Variants in FAM47E observed in about 807,000 individuals in gnomAD.
The protein encoded by FAM47E is family with sequence similarity 47 member E.
FAM47E carries 32 observed loss-of-function variants against 41.6 expected under a neutral mutation model. The ratio of observed to expected loss-of-function variants is 0.77; its 90% CI spans 0.58 to 1.03. The LOEUF is 1.03. Among genes scored for constraint, FAM47E ranks in the 50% least tolerant of loss-of-function variants. The pLI is 0.00. For synonymous variants in FAM47E, 184 were observed against 188.7 expected, an observed-to-expected ratio of 0.98 and a Z score of 0.20; for missense variants, 424 against 485.4, an observed-to-expected ratio of 0.87 and a Z score of 1.19.
At chr4:76,247,996 G>A (rs1468239664), upstream of FAM47E, among the ~76,000 whole-genome samples, 2 of 137,936 alleles carry the variant, frequency 1.4e-5, no homozygotes, top group Non-Finnish European at 3.0e-5. Context: ...CTCACTGCAA[G>A]CTCCACCTCC....
chr4:76,251,080 A>G (rs997772226), upstream of FAM47E, among the ~76,000 whole-genome samples: 10 of 152,282 alleles, frequency 6.6e-5, no homozygotes, highest in Middle Eastern at 6.8e-3. Flanking sequence ...CAGAAGTAGC[A>G]TAAGAATTTA....
chr4:76,226,802 T>G (rs1733406096), intron 2 of FAM47E, among the ~76,000 whole-genome samples: 1 of 152,214 alleles, frequency 6.6e-6, no homozygotes, highest in African/African-American at 2.4e-5. Context: ...TTTTCTAGTT[T>G]GTGTGAATAA....
intron 7 of FAM47E, chr4:76,282,440 G>C (rs1026017858): frequency 6.6e-6 from 1 of 152,308 alleles, no homozygotes; most frequent in African/African-American, 2.4e-5. Context: ...ATGAACATCT[G>C]CTTTTCTGGG....
At chr4:76,245,930 T>C (rs1733817332) in intron 2 of FAM47E, among the ~76,000 whole-genome samples, 1 of 152,162 alleles carries the variant, frequency 6.6e-6, no homozygotes, top group African/African-American at 2.4e-5. Flanking sequence ...TAATCCCCTA[T>C]CTGCCATCAT....
intron 1 of FAM47E, among the ~76,000 whole-genome samples, chr4:76,254,128 G>GAA (rs35201794): frequency 2.8e-4 from 36 of 129,706 alleles, no homozygotes; most frequent in African/African-American, 1.0e-3. Flanking sequence ...ACCCTGTCTT[G>GAA]AAAAAAAAAA....
chr4:76,242,601 CTTA>C (rs1446741036), intron 2 of FAM47E, among the ~76,000 whole-genome samples: 1 of 152,156 alleles, frequency 6.6e-6, no homozygotes, highest in African/African-American at 2.4e-5. Context: ...TGGCTAAATA[CTTA>C]TTATTTCTAT....
intron 1 of FAM47E, among the ~76,000 whole-genome samples, chr4:76,214,889 T>C (rs1262318838): frequency 6.6e-6 from 1 of 152,158 alleles, no homozygotes; most frequent in Non-Finnish European, 1.5e-5. Flanking sequence ...GGGATGCAGG[T>C]GTGATCCTTG....
rs551469706 is a variant in FAM47E, at chr4:76,275,217, C to A, written c.871-2852C>A. ...TAAACTGTGGTCTTTGGTGTATGAG[C>A]TTTCCTGCCACCTTAGCCTTGCTCA... On this transcript the variant is annotated intron_variant, in intron 5 of 7. Coordinates refer to ENST00000424749, the MANE Select transcript of FAM47E (RefSeq NM_001136570.3). 2.6e-5 allele frequency among the ~76,000 whole-genome samples: 4 copies of A among 152,274 alleles called. No homozygotes were observed. The East Asian group carries it at 7.7e-4, about 29-fold the overall frequency.
At chr4:76,223,399 C>T (rs1225850220) in intron 2 of FAM47E, among the ~76,000 whole-genome samples, 1 of 152,142 alleles carries the variant, frequency 6.6e-6, no homozygotes, top group African/African-American at 2.4e-5. Context: ...AGCCAGAAGT[C>T]TAACTTTGAG....
intron 2 of FAM47E, among the ~76,000 whole-genome samples, chr4:76,218,423 A>G (rs564748637): frequency 5.9e-5 from 9 of 152,250 alleles, no homozygotes; most frequent in Admixed American, 2.0e-4. Context: ...GAGCTCATAT[A>G]CCATTTATAT....
At chr4:76,275,683 C>T (rs1287861541) in intron 5 of FAM47E, among the ~76,000 whole-genome samples, 1 of 152,116 alleles carries the variant, frequency 6.6e-6, no homozygotes, top group Non-Finnish European at 1.5e-5. Flanking sequence ...GGCATGTTTA[C>T]AAAGGCATCA....
At chr4:76,241,070 G>T (rs1733700496) in intron 2 of FAM47E, among the ~76,000 whole-genome samples, 1 of 151,988 alleles carries the variant, frequency 6.6e-6, no homozygotes, top group Admixed American at 6.6e-5. Context: ...CTTCCCCAGG[G>T]TTTACTAGCT....
At chr4:76,253,808 T>TAA (rs11410378) in intron 1 of FAM47E, among the ~76,000 whole-genome samples, 59,264 of 144,914 alleles carry the variant, frequency 0.41, 13,330 homozygotes, top group Non-Finnish European at 0.53. Flanking sequence ...TGTCTCGAAT[T>TAA]AAAAAAAAAA....
At chr4:76,221,677 A>G (rs1378539452) in intron 2 of FAM47E, among the ~76,000 whole-genome samples, 1 of 152,220 alleles carries the variant, frequency 6.6e-6, no homozygotes, top group Non-Finnish European at 1.5e-5. Context: ...ACCGCATGTT[A>G]TCACTTATTA....
chr4:76,276,376 TTTTGTTTA>T (rs1560752669), intron 5 of FAM47E, among the ~76,000 whole-genome samples: 3 of 151,878 alleles, frequency 2.0e-5, no homozygotes, highest in East Asian at 1.9e-4. Context: ...TTGTTTGTTT[TTTTGTTTA>T]TTTGGGGAGA....
chr4:76,223,587 A>G (rs1418335614), intron 2 of FAM47E, among the ~76,000 whole-genome samples: 1 of 152,152 alleles, frequency 6.6e-6, no homozygotes, highest in Non-Finnish European at 1.5e-5. Context: ...CATTGGAACC[A>G]CCTAGGAGCT....
intron 3 of FAM47E, 53 bp from the exon 4 acceptor site, chr4:76,268,607 C>A: frequency 6.6e-7 from 1 of 1,516,106 alleles, no homozygotes; most frequent in South Asian, 1.3e-5. Context: ...GTTTGAAATC[C>A]ATTTGGATTC....
At chr4:76,255,981 A>G (rs1205752049) in intron 1 of FAM47E, among the ~76,000 whole-genome samples, 197 bp from the exon 2 acceptor site, 1 of 152,140 alleles carries the variant, frequency 6.6e-6, no homozygotes, top group Non-Finnish European at 1.5e-5. Flanking sequence ...GGGGCTTTGT[A>G]CGGAGCAGCA....
intron 7 of FAM47E, chr4:76,282,230 T>G (rs1735384693): frequency 6.6e-6 from 1 of 152,044 alleles, no homozygotes. Flanking sequence ...TTACAAACAA[T>G]CCATGGAAAC....
Sources: gnomAD v4.1 joint callset for allele counts (sites outside exome capture counted in the v4.1 genomes callset) on GRCh38, gnomAD v4.1.1 for gene constraint, MANE v1.5 for transcripts, NCBI Gene and HGNC (gene_info 2026-07-23, HGNC 2026-07-21) for gene names.